PITRM1: variants seen among roughly 807,000 people sequenced by gnomAD.
The protein encoded by PITRM1 is presequence protease, mitochondrial.
A neutral mutation model predicts 129.9 loss-of-function variants in PITRM1; 100 were observed. The observed-to-expected ratio is 0.77, with a 90% CI of 0.65 to 0.91. The LOEUF (loss-of-function observed/expected upper bound fraction) is 0.91, where lower values mean the gene tolerates loss of function less well. Ranked by LOEUF, PITRM1 falls within the 40% of genes least tolerant of loss-of-function variation. The probability of loss-of-function intolerance (pLI) is 0.00; values close to 1 mark genes in which losing one functional copy is unlikely to be tolerated. For missense variants in PITRM1, 1,471 were observed against 1,318.3 expected (o/e 1.12, Z -1.79); for synonymous variants, 591 against 508.8 (o/e 1.16, Z -2.17).
rs755458331 is a variant in PITRM1 at position 3,160,188 on chromosome 10, A to G, written c.918+16T>C. 1 of 1,613,308 alleles carries G rather than the reference A, an allele frequency of 6.2e-7. No homozygotes were observed. Among genetic ancestry groups the G allele is most frequent in the Non-Finnish European group, 8.5e-7 (1 of 1,179,516 alleles). On this transcript the variant is annotated intron_variant, in intron 8 of 26. Coordinates refer to ENST00000224949, the MANE Select transcript of PITRM1 (RefSeq NM_014889.4). ...CATATTTACCAGGAAGGACACAAAC[A>G]CGGTGGGGCACTCACAGGCTTGTCC...
chr10:3,166,157 G>A, intron 4 of PITRM1, 72 bp downstream of exon 4: 1 of 1,335,590 alleles, frequency 7.5e-7, no homozygotes, highest in Non-Finnish European at 1.0e-6. Context: ...TTCCTTCTCA[G>A]AAACTAACTG....
chr10:3,148,150 C>G (rs757457930), intron 17 of PITRM1, 21 bp downstream of exon 17: 5 of 1,613,718 alleles, frequency 3.1e-6, no homozygotes, highest in Non-Finnish European at 3.4e-6. Flanking sequence ...CCGCAGCAGT[C>G]GTCTGACGGT....
chr10:3,138,847 C>T (rs773848251), intron 25 of PITRM1, 57 bp downstream of exon 25: 9 of 1,570,338 alleles, frequency 5.7e-6, no homozygotes, highest in African/African-American at 1.3e-5. Context: ...ACTTGGAAAA[C>T]AGCAACGTCA....
At chr10:3,148,147 AGTC>A in intron 17 of PITRM1, 21 bp downstream of exon 17, 1 of 1,613,988 alleles carries the variant, frequency 6.2e-7, no homozygotes, top group Non-Finnish European at 8.5e-7. Context: ...CCACCGCAGC[AGTC>A]GTCTGACGGT....
chr10:3,172,337 G>T, intron 1 of PITRM1: 1 of 494,236 alleles, frequency 2.0e-6, no homozygotes, highest in Non-Finnish European at 3.9e-6. Flanking sequence ...GGCTGTGGGC[G>T]CCTCGGGTCT....
At chr10:3,148,358 G>A (rs769184401) in intron 16 of PITRM1, 67 bp from the exon 17 acceptor site, 3 of 1,519,480 alleles carry the variant, frequency 2.0e-6, no homozygotes, top group African/African-American at 1.4e-5. Flanking sequence ...TTAAAATCGT[G>A]CATCTTGAGT....
intron 1 of PITRM1, 136 bp downstream of exon 1, chr10:3,172,581 G>C (rs1006905091): frequency 2.6e-6 from 2 of 769,056 alleles, no homozygotes; most frequent in South Asian, 4.3e-5. Flanking sequence ...GGAAGGGCTC[G>C]GGGTGCGGGA....
intron 22 of PITRM1, chr10:3,143,920 C>T (rs1325457813): frequency 1.7e-5 from 9 of 514,476 alleles, no homozygotes; most frequent in Admixed American, 7.5e-5. Flanking sequence ...CAGGCTGAGT[C>T]GCGGAAAGGA....
chr10:3,140,934 G>T (rs911142798), intron 23 of PITRM1, 122 bp from the exon 24 acceptor site: 1 of 919,528 alleles, frequency 1.1e-6, no homozygotes, highest in African/African-American at 1.7e-5. Flanking sequence ...ATAAATTATG[G>T]TCCCATATTT....
chr10:3,149,512 A>G (rs1841281248), intron 16 of PITRM1, 109 bp downstream of exon 16: 1 of 1,130,348 alleles, frequency 8.8e-7, no homozygotes, highest in African/African-American at 1.6e-5. Flanking sequence ...ACACACTAAC[A>G]TTGTAAGTTG....
At chr10:3,142,069 T>G (rs1250694246) in intron 23 of PITRM1, among the ~76,000 whole-genome samples, 2 of 152,226 alleles carry the variant, frequency 1.3e-5, no homozygotes, top group Non-Finnish European at 2.9e-5. Context: ...AAAAAAGATC[T>G]GGAATCCCAC....
chr10:3,169,731 T>A lies in PITRM1; in HGVS notation c.159+373A>T, dbSNP rs113789746. Reference sequence around the variant, plus strand: ...AAAACTGAAAGGTTCTGCGGACGTTTAGAGCAAGCTATTTGATGGCAAAAC... The same window carrying A: ...AAAACTGAAAGGTTCTGCGGACGTTAAGAGCAAGCTATTTGATGGCAAAAC... On this transcript the variant is annotated intron_variant, in intron 2 of 26. Coordinates refer to ENST00000224949, the MANE Select transcript of PITRM1 (RefSeq NM_014889.4). Among the ~76,000 whole-genome samples the A allele has an allele frequency of 6.1e-3, 925 of 152,362 alleles. 5 individuals are homozygous for A. Among genetic ancestry groups the A allele is most frequent in the Non-Finnish European group, 0.01 (685 of 68,034 alleles).
At chr10:3,165,575 T>A in intron 4 of PITRM1, 48 bp from the exon 5 acceptor site, 1 of 1,098,126 alleles carries the variant, frequency 9.1e-7, no homozygotes, top group Non-Finnish European at 1.4e-6. Flanking sequence ...AGATTTCTAC[T>A]AAAATTATTG....
Position 3,147,582 on chromosome 10 carries a change from C to A in PITRM1, c.2225G>T (p.Gly742Val). ...PAGDLQETFS[G>V]MDQVRLMKRI... ...TTCCAAGCTTCCCACCTGATCCATC[C>A]CGCTGAAGGTCTCCTGCAGGTCCCC... The change falls in exon 19 of 27, where the codon GGG becomes GTG. Residue 742 changes from glycine to valine, a missense_variant. Physicochemically the swap from Gly to Val is moderately radical, Grantham distance 109. Coordinates refer to ENST00000224949, the MANE Select transcript of PITRM1 (RefSeq NM_014889.4). The A allele has an allele frequency of 6.2e-7, 1 of 1,614,022 alleles. No homozygotes were observed. Among genetic ancestry groups the A allele is most frequent in the Non-Finnish European group, 8.5e-7 (1 of 1,179,880 alleles).
In PITRM1 at chr10:3,145,394, G is replaced by A. The variant is rs45521743; in HGVS notation, c.2457+202C>T. On this transcript the variant is annotated intron_variant, in intron 21 of 26. Coordinates refer to ENST00000224949, the MANE Select transcript of PITRM1 (RefSeq NM_014889.4). The stretch of plus-strand genomic sequence containing the variant: ...TGAGCGCGGGATCTAAGGCCACACC[G>A]CAGGGTCTGAACTCACTTAACTGGC... 186 of 570,410 alleles carry A rather than the reference G, an allele frequency of 3.3e-4. 1 individual carries two copies. The highest frequency in any genetic ancestry group is 1.8e-3 in the Admixed American group (56 of 30,894). 35.3% of individuals were successfully genotyped at this position (570,410 alleles called of 1,614,324 possible).
rs753049878 is a variant in PITRM1 at position 3,138,968 on chromosome 10, G to A, written c.2853C>T (p.Asp951=). ...AGACAGAAAGTTTGGCTTCGTCGAT[G>A]TCTTGCTGTGTGAATTTTCCAGACT... is the stretch of plus-strand genomic sequence containing the variant. The part of the protein sequence containing the change: ...WAKSGKFTQQ[D]IDEAKLSVFS... Residue 951 remains aspartate (D), a synonymous_variant, in exon 25 of 27, where the codon GAC becomes GAT. Transcript: ENST00000224949. 1.9e-6 allele frequency: 3 copies of A among 1,613,824 alleles called. No individual in the cohort carries two copies. Among genetic ancestry groups the A allele is most frequent in the Non-Finnish European group, 1.7e-6 (2 of 1,179,698 alleles).
At chr10:3,169,289 C>T (rs1459418952) in intron 2 of PITRM1, among the ~76,000 whole-genome samples, 2 of 152,174 alleles carry the variant, frequency 1.3e-5, no homozygotes, top group Non-Finnish European at 2.9e-5. Context: ...GCACCCTAGT[C>T]ACTGCCCTGG....
intron 22 of PITRM1, 179 bp from the exon 23 acceptor site, chr10:3,143,680 C>T (rs535067296): frequency 6.6e-5 from 47 of 710,688 alleles, no homozygotes; most frequent in South Asian, 4.3e-4. Flanking sequence ...TGCTGGGGCG[C>T]GAGAGCAAGG....
At chr10:3,147,400 G>A in intron 19 of PITRM1, 150 bp from the exon 20 acceptor site, 2 of 935,002 alleles carry the variant, frequency 2.1e-6, no homozygotes, top group Admixed American at 2.0e-5. Flanking sequence ...TGGGATGCAG[G>A]GTGGTACAAA....
Sources: allele counts gnomAD v4.1 joint callset (sites outside exome capture counted in the v4.1 genomes callset), GRCh38; gene constraint gnomAD v4.1.1; transcripts MANE v1.5; gene names NCBI Gene and HGNC (gene_info 2026-07-23, HGNC 2026-07-21).